SLC9C1: variants seen among roughly 807,000 people sequenced by gnomAD.
The protein encoded by SLC9C1 is solute carrier family 9 member C1, also known as sodium/hydrogen exchanger 10.
Under a neutral mutation model 140.9 loss-of-function variants are expected in SLC9C1, and 97 were observed. That is an observed-to-expected ratio of 0.69 (90% CI 0.58 to 0.82). The LOEUF is 0.82. Ranked by LOEUF, SLC9C1 falls within the 40% of genes least tolerant of loss-of-function variation. The pLI is 0.00. For synonymous variants in SLC9C1, 440 were observed against 442.6 expected (o/e 0.99, Z 0.07); for missense variants, 1,340 against 1,389.3 (o/e 0.96, Z 0.56).
intron 16 of SLC9C1, 99 bp downstream of exon 16, chr3:112,208,079 C>T (rs2078105431): frequency 1.0e-6 from 1 of 955,050 alleles, no homozygotes; most frequent in East Asian, 2.7e-5. Context: ...TTCATACACT[C>T]CTTCAGAAAA....
chr3:112,145,589 C>CTTTTT lies in SLC9C1; in HGVS notation c.3525-4313_3525-4309dup, dbSNP rs61547345. Among the ~76,000 whole-genome samples, 56 of 28,182 alleles carry CTTTTT rather than the reference C, an allele frequency of 2.0e-3. 2 individuals are homozygous for CTTTTT. The highest frequency in any genetic ancestry group is 3.5e-3 in the African/African-American group (23 of 6,656). 18.5% of individuals were successfully genotyped at this position (28,182 alleles called of 152,430 possible). On this transcript the variant is annotated intron_variant, in intron 28 of 28. Coordinates refer to ENST00000305815, the MANE Select transcript of SLC9C1 (RefSeq NM_183061.3). The stretch of plus-strand genomic sequence containing the variant: ...TGGCTGTGAATCCACCTGCCCTTGG[C>CTTTTT]TTTTTTTTTTTTTTTTTTTTTTGGT...
intron 13 of SLC9C1, among the ~76,000 whole-genome samples, chr3:112,229,771 TAGAG>T (rs1403637594): frequency 6.6e-6 from 1 of 152,044 alleles, no homozygotes. Flanking sequence ...ATTACTTAGA[TAGAG>T]AAACAAAACT....
intron 26 of SLC9C1, among the ~76,000 whole-genome samples, chr3:112,165,728 TGAG>T (rs1231574193): frequency 2.6e-5 from 4 of 152,166 alleles, no homozygotes; most frequent in African/African-American, 9.7e-5. Context: ...GGGACCCACT[TGAG>T]GAGGCAGTTT....
intron 13 of SLC9C1, among the ~76,000 whole-genome samples, chr3:112,226,648 G>A (rs2078689625): frequency 6.6e-6 from 1 of 152,082 alleles, no homozygotes; most frequent in African/African-American, 2.4e-5. Flanking sequence ...CTTGAATCCA[G>A]GAGGTAGAGT....
chr3:112,191,832 A>G (rs2077667183), intron 20 of SLC9C1, among the ~76,000 whole-genome samples: 3 of 152,164 alleles, frequency 2.0e-5, no homozygotes, highest in Middle Eastern at 3.4e-3. Flanking sequence ...TTTCATATGA[A>G]TTTCAAATAT....
At chr3:112,178,776 A>G (rs2077386552) in intron 23 of SLC9C1, among the ~76,000 whole-genome samples, 1 of 152,174 alleles carries the variant, frequency 6.6e-6, no homozygotes, top group African/African-American at 2.4e-5. Context: ...TTTAGCACCA[A>G]CTGAAGGTTG....
At chr3:112,187,954 T>C (rs569024400) in intron 20 of SLC9C1, among the ~76,000 whole-genome samples, 2 of 151,970 alleles carry the variant, frequency 1.3e-5, no homozygotes, top group Admixed American at 6.6e-5. Flanking sequence ...TCAGTATATA[T>C]AGATATTTAA....
intron 13 of SLC9C1, among the ~76,000 whole-genome samples, chr3:112,223,089 T>G (rs2078585724): frequency 6.6e-6 from 1 of 152,104 alleles, no homozygotes; most frequent in African/African-American, 2.4e-5. Context: ...TATTAAAGAA[T>G]GAAATATGTA....
chr3:112,278,833 G>C lies in SLC9C1; in HGVS notation c.214C>G (p.Gln72Glu), dbSNP rs766665435. 4.4e-6 allele frequency: 7 copies of C among 1,605,724 alleles called. No homozygotes were observed. The highest frequency in any genetic ancestry group is 5.9e-6 in the Non-Finnish European group (7 of 1,177,462). ...AAAAATAAGTCTGGACTCATCCATT[G>C]TATGGCGTTTGCGTATCTTTGGACC... ...SQVQRYANAIQWMSPDLFFRI... is the reference protein window; with the variant it reads ...SQVQRYANAIEWMSPDLFFRI... Residue 72 changes from glutamine to glutamate, a missense_variant, in exon 4 of 29, where the codon CAA becomes GAA. Transcript: ENST00000305815.
At chr3:112,215,825 T>C (rs1231707254) in intron 15 of SLC9C1, among the ~76,000 whole-genome samples, 3 of 152,198 alleles carry the variant, frequency 2.0e-5, no homozygotes, top group African/African-American at 7.2e-5. Flanking sequence ...AAGCTACCAA[T>C]GACTTTCTTC....
chr3:112,142,564 T>C (rs2074662576), intron 28 of SLC9C1, among the ~76,000 whole-genome samples: 1 of 152,206 alleles, frequency 6.6e-6, no homozygotes, highest in African/African-American at 2.4e-5. Context: ...AGCACCTCCT[T>C]GTATTTCCTT....
At chr3:112,285,944 T>G (rs1189085568) in intron 2 of SLC9C1, among the ~76,000 whole-genome samples, 1 of 152,042 alleles carries the variant, frequency 6.6e-6, no homozygotes, top group Non-Finnish European at 1.5e-5. Flanking sequence ...TTTTGGTTGT[T>G]GTTGAGACGA....
intron 21 of SLC9C1, among the ~76,000 whole-genome samples, chr3:112,181,686 TCA>T (rs1298505317): frequency 6.6e-6 from 1 of 152,180 alleles, no homozygotes; most frequent in African/African-American, 2.4e-5. Flanking sequence ...ACAATATAGT[TCA>T]CAGGAAGGTC....
intron 1 of SLC9C1, among the ~76,000 whole-genome samples, chr3:112,293,377 T>C (rs1313697390): frequency 6.6e-6 from 1 of 152,154 alleles, no homozygotes; most frequent in Non-Finnish European, 1.5e-5. Context: ...GACATGAATT[T>C]GTCCTTGTCA....
chr3:112,277,793 A>G lies in SLC9C1; in HGVS notation c.386T>C (p.Val129Ala), dbSNP rs1181543531. ...GGTAGGCTTCAAAAGTAATTGATTT[A>G]CAGATGCCAGATGCCAAAGAACTAA... ...YILVLWHLAS[V>A]NQLLLKPTQW... The change falls in exon 5 of 29, where the codon GTA becomes GCA. Residue 129 changes from valine (V) to alanine (A), a missense_variant. Coordinates refer to ENST00000305815, the MANE Select transcript of SLC9C1 (RefSeq NM_183061.3). The G allele has an allele frequency of 1.2e-6, 2 of 1,612,774 alleles. No homozygotes were observed. Among genetic ancestry groups the G allele is most frequent in the Admixed American group, 3.3e-5 (2 of 59,848 alleles).
chr3:112,259,750 C>A (rs1171035345), intron 10 of SLC9C1, among the ~76,000 whole-genome samples: 1 of 152,116 alleles, frequency 6.6e-6, no homozygotes, highest in Non-Finnish European at 1.5e-5. Flanking sequence ...AACAAACCTG[C>A]ACATGTATCC....
At chr3:112,217,392 A>AATTTTTCTCTT in intron 15 of SLC9C1, 50 bp downstream of exon 15, 1 of 1,506,066 alleles carries the variant, frequency 6.6e-7, no homozygotes, top group South Asian at 1.4e-5. Context: ...AAAAACAGGG[A>AATTTTTCTCTT]ATTTCAAGTG....
At chr3:112,227,518 T>G (rs533140442) in intron 13 of SLC9C1, among the ~76,000 whole-genome samples, 26 of 152,140 alleles carry the variant, frequency 1.7e-4, no homozygotes, top group African/African-American at 5.1e-4. Context: ...CAAAAAACAT[T>G]TGATAAAATT....
At chr3:112,190,011 C>A (rs2077620241) in intron 20 of SLC9C1, among the ~76,000 whole-genome samples, 2 of 152,236 alleles carry the variant, frequency 1.3e-5, no homozygotes, top group Non-Finnish European at 2.9e-5. Context: ...AATGGGAGTT[C>A]TCCCACGATT....
Sources: allele counts gnomAD v4.1 joint callset (sites outside exome capture counted in the v4.1 genomes callset), GRCh38; gene constraint gnomAD v4.1.1; transcripts MANE v1.5; gene names NCBI Gene and HGNC (gene_info 2026-07-23, HGNC 2026-07-21).